RNF207: variants seen among roughly 807,000 people sequenced by gnomAD.
RNF207 encodes ring finger protein 207.
In RNF207, 72 loss-of-function variants were observed where a neutral mutation model predicts 79.0. The observed-to-expected ratio is 0.91, with a 90% CI of 0.75 to 1.11. The LOEUF is 1.11. Among genes scored for constraint, RNF207 ranks in the 50% least tolerant of loss-of-function variants. The probability of loss-of-function intolerance (pLI) is 0.00; values close to 1 mark genes in which losing one functional copy is unlikely to be tolerated. For missense variants in RNF207, 936 were observed against 855.8 expected (o/e 1.09, Z -1.17); for synonymous variants, 348 against 366.2 (o/e 0.95, Z 0.57).
In RNF207 at chr1:6,209,655, T is replaced by A. The variant is rs1668076075; in HGVS notation, c.753+116T>A. 23 of 1,255,660 alleles carry A rather than the reference T, an allele frequency of 1.8e-5. 1 individual carries two copies. The South Asian group carries it at 3.9e-4, about 21-fold the overall frequency. 77.8% of individuals were successfully genotyped at this position (1,255,660 alleles called of 1,614,324 possible). On this transcript the variant is annotated intron_variant, in intron 7 of 17. Coordinates refer to ENST00000377939, the MANE Select transcript of RNF207 (RefSeq NM_207396.3). ...GGGCAGCAGGCCTTGCACCAAGCAC[T>A]TTCCTGGAGTTGCTAGGAGAGCTGG...
Position 6,211,199 on chromosome 1 carries a change from G to A in RNF207, c.1109+81G>A, listed in dbSNP as rs997892404. 3.1e-6 allele frequency: 3 copies of A among 960,842 alleles called. No individual in the cohort carries two copies. The highest frequency in any genetic ancestry group is 1.6e-5 in the South Asian group (1 of 62,656). The allele number at this position is 960,842 out of a possible 1,614,324, so 59.5% of individuals were successfully genotyped here. On this transcript the variant is annotated intron_variant, in intron 12 of 17. Coordinates refer to ENST00000377939, the MANE Select transcript of RNF207 (RefSeq NM_207396.3). The surrounding 1 kb of genome is among the most constrained non-coding windows in gnomAD (Gnocchi z 4.2). ...AGGGTGGGCGCTGAGGGGCCAGATC[G>A]CCAGCAAGAAGCCAGGTGCCACCAT...
In RNF207 at chr1:6,207,278, C is replaced by G; in HGVS notation, c.192-101C>G. 7.9e-7 allele frequency: 1 copy of G among 1,269,276 alleles called. No homozygotes were observed. The highest frequency in any genetic ancestry group is 1.1e-6 in the Non-Finnish European group (1 of 930,916). 78.6% of individuals were successfully genotyped at this position (1,269,276 alleles called of 1,614,324 possible). On this transcript the variant is annotated intron_variant, in intron 2 of 17. Transcript: ENST00000377939. The surrounding 1 kb of genome is among the most constrained non-coding windows in gnomAD (Gnocchi z 4.5). ...CCAGAGCTGTGGTGCACCCCACCTC[C>G]CAACACAGCTATTTTTAGCTCCAGC...
chr1:6,211,903 GCC>G lies in RNF207; in HGVS notation c.1149_1150del (p.His384LeufsTer44). 1 of 1,550,038 alleles carries G rather than the reference GCC, an allele frequency of 6.5e-7. No individual in the cohort carries two copies. Among genetic ancestry groups the G allele is most frequent in the Non-Finnish European group, 8.7e-7 (1 of 1,147,066 alleles). ...GCTTAGGCCCCAAGGCGCTGACGGG[GCC>G]CCACTGCCCCTCCCCAGTAGGAAAG... ...GGLGPKALTG[P>X]HCPSPVGKMS... On this transcript the variant is annotated frameshift_variant, in exon 13 of 18. Coordinates refer to ENST00000377939, the MANE Select transcript of RNF207 (RefSeq NM_207396.3). LOFTEE classifies it high-confidence loss of function. This position sits in a 1 kb window ranked among gnomAD's most constrained non-coding sequence, Gnocchi z 4.2.
In RNF207 at chr1:6,209,443, G is replaced by A. The variant is rs571521635; in HGVS notation, c.657G>A (p.Arg219=). The change falls in exon 7 of 18, where the codon CGG becomes CGA. Residue 219 remains arginine, a synonymous_variant. Transcript: ENST00000377939. ...LAVKALQTAT[R]EAIALLQAMV... is the part of the protein sequence containing the mutation. ...TGAAGGCCCTGCAGACGGCCACGCGGGAGGCCATCGCGCTGCTGCAGGCCA... is the reference window on the plus strand; with the variant it reads ...TGAAGGCCCTGCAGACGGCCACGCGAGAGGCCATCGCGCTGCTGCAGGCCA... 27 of 1,516,232 alleles carry A rather than the reference G, an allele frequency of 1.8e-5. No individual in the cohort carries two copies. Among genetic ancestry groups the A allele is most frequent in the Non-Finnish European group, 8.8e-7 (1 of 1,137,546 alleles). The allele number at this position is 1,516,232 out of a possible 1,614,324, so 93.9% of individuals were successfully genotyped here. A position where few individuals can be genotyped will look rare whatever the true frequency, so the allele number is the denominator to read the frequency against.
intron 16 of RNF207, 136 bp downstream of exon 16, chr1:6,213,319 G>A (rs1020572203): frequency 1.6e-5 from 9 of 560,198 alleles, no homozygotes; most frequent in African/African-American, 3.8e-5. Context: ...TCAGCAGTTC[G>A]AGACCAGCCT....
At chr1:6,216,424 T>A (rs1209156432) in intron 16 of RNF207, among the ~76,000 whole-genome samples, 2 of 152,162 alleles carry the variant, frequency 1.3e-5, no homozygotes, top group African/African-American at 4.8e-5. Context: ...AGTTGCTCCC[T>A]CAACCCACTT....
chr1:6,212,078 G>GC (rs754705609), intron 13 of RNF207, 25 bp downstream of exon 13: 1 of 1,547,500 alleles, frequency 6.5e-7, no homozygotes, highest in Admixed American at 1.8e-5. Flanking sequence ...ATCTGCCGGA[G>GC]GGGGGAGATG....
chr1:6,206,582 A>T lies in RNF207; in HGVS notation c.47A>T (p.Asp16Val). The T allele has an allele frequency of 6.2e-7, 1 of 1,602,702 alleles. No homozygotes were observed. Among genetic ancestry groups the T allele is most frequent in the Non-Finnish European group, 8.5e-7 (1 of 1,179,306 alleles). ...CCCCTGGAGGGCCCGAGCTCCCTGG[A>T]TGCCCCGAGCATCCACCCGCTGGTG... is the stretch of plus-strand genomic sequence containing the variant. ...FGPLEGPSSL[D>V]APSIHPLVCP... Residue 16 changes from aspartate (D) to valine (V), a missense_variant, in exon 2 of 18, where the codon GAT (aspartate) becomes GTT (valine). Physicochemically the swap from Asp to Val is radical, Grantham distance 152. Transcript: ENST00000377939.
intron 8 of RNF207, 28 bp downstream of exon 8, chr1:6,209,998 C>G: frequency 6.4e-7 from 1 of 1,556,814 alleles, no homozygotes; most frequent in Non-Finnish European, 8.7e-7. Context: ...GGGCTTGCTT[C>G]CCTTACCCCT....
rs1557597653 is a variant in RNF207, at chr1:6,220,734, C to T, written c.*1327C>T. ...CTTTTTTCTAGTAGTTTTTTCCCAG[C>T]AGTTTTCCATTTCTCCACAGTATCC... On this transcript the variant is annotated 3_prime_UTR_variant, in exon 18 of 18. Coordinates refer to ENST00000377939, the MANE Select transcript of RNF207 (RefSeq NM_207396.3). 6.6e-6 allele frequency: 1 copy of T among 152,198 alleles called. No individual in the cohort carries two copies. Among genetic ancestry groups the T allele is most frequent in the Non-Finnish European group, 1.5e-5 (1 of 68,028 alleles). The allele number at this position is 152,198 out of a possible 1,614,324, so 9.4% of individuals were successfully genotyped here.
Position 6,220,753 on chromosome 1 carries a change from A to G in RNF207, c.*1346A>G, listed in dbSNP as rs1279244360. 2 of 152,212 alleles carry G rather than the reference A, an allele frequency of 1.3e-5. No individual in the cohort carries two copies. Among genetic ancestry groups the G allele is most frequent in the African/African-American group, 4.8e-5 (2 of 41,462 alleles). 9.4% of individuals were successfully genotyped at this position (152,212 alleles called of 1,614,324 possible). A position where few individuals can be genotyped will look rare whatever the true frequency, so the allele number is the denominator to read the frequency against. On this transcript the variant is annotated 3_prime_UTR_variant, in exon 18 of 18. Coordinates refer to ENST00000377939, the MANE Select transcript of RNF207 (RefSeq NM_207396.3). Reference sequence around the variant, plus strand: ...TCCCAGCAGTTTTCCATTTCTCCACAGTATCCTTTTCATTTAGAGGAGCTT... The same window carrying G: ...TCCCAGCAGTTTTCCATTTCTCCACGGTATCCTTTTCATTTAGAGGAGCTT...
At chr1:6,214,048 G>A (rs556741955) in intron 16 of RNF207, among the ~76,000 whole-genome samples, 4 of 152,138 alleles carry the variant, frequency 2.6e-5, no homozygotes, top group African/African-American at 7.2e-5. Context: ...GTGCATGTTT[G>A]GGATGGCAGG....
In RNF207 at chr1:6,219,286, A is replaced by G. The variant is rs868486741; in HGVS notation, c.1784A>G (p.Lys595Arg). The change falls in exon 18 of 18, where the codon AAA becomes AGA. Residue 595 changes from lysine to arginine, a missense_variant. By Grantham distance (26) the Lys-to-Arg change is conservative. Coordinates refer to ENST00000377939, the MANE Select transcript of RNF207 (RefSeq NM_207396.3). ...AAGAGAGAGAAGACATCAGAGCCTA[A>G]AGGAAACAGCTGGGCTCCGAACGGC... ...PEKREKTSEPKGNSWAPNGLS... is the reference protein window; with the variant it reads ...PEKREKTSEPRGNSWAPNGLS... 1 of 1,613,768 alleles carries G rather than the reference A, an allele frequency of 6.2e-7. No homozygotes were observed.
rs959769861 is a variant in RNF207, at chr1:6,217,288, A to G, written c.1653-1001A>G. Reference sequence around the variant, plus strand: ...TGCCTCCTCAGCTCAGTGCCCAGATATGTTTTTCCCCAGGGCTCAGCCTTA... The same window carrying G: ...TGCCTCCTCAGCTCAGTGCCCAGATGTGTTTTTCCCCAGGGCTCAGCCTTA... On this transcript the variant is annotated intron_variant, in intron 16 of 17. Coordinates refer to ENST00000377939, the MANE Select transcript of RNF207 (RefSeq NM_207396.3). This position sits in a 1 kb window ranked among gnomAD's most constrained non-coding sequence, Gnocchi z 4.2. 1.8e-4 allele frequency among the ~76,000 whole-genome samples: 27 copies of G among 151,956 alleles called. No homozygotes were observed. Among genetic ancestry groups the G allele is most frequent in the Non-Finnish European group, 3.1e-4 (21 of 67,992 alleles).
Position 6,211,065 on chromosome 1 carries a change from ACTG to A in RNF207, c.1066_1068del (p.Leu356del), listed in dbSNP as rs746335647. 5 of 1,607,260 alleles carry A rather than the reference ACTG, an allele frequency of 3.1e-6. No individual in the cohort carries two copies. The highest frequency in any genetic ancestry group is 1.7e-5 in the Admixed American group (1 of 59,814). On this transcript the variant is annotated inframe_deletion, in exon 12 of 18. Coordinates refer to ENST00000377939, the MANE Select transcript of RNF207 (RefSeq NM_207396.3). The surrounding 1 kb of genome is among the most constrained non-coding windows in gnomAD (Gnocchi z 4.2). ...CTGAATTCGCGCGCTGTCTGGAGCC[ACTG>A]CTGCTGCTGGGGCCACGTCGGGTGG...
Position 6,211,816 on chromosome 1 carries a change from G to A in RNF207, c.1110-51G>A. ...CAGGGGGCTGCCCTGGGAGGCTGGG[G>A]GAGGGGCAGACTTCCCCACCCCCCT... On this transcript the variant is annotated intron_variant, in intron 12 of 17. Transcript: ENST00000377939. The surrounding 1 kb of genome is among the most constrained non-coding windows in gnomAD (Gnocchi z 4.2). The A allele has an allele frequency of 7.3e-7, 1 of 1,375,476 alleles. No homozygotes were observed. The highest frequency in any genetic ancestry group is 2.5e-5 in the East Asian group (1 of 40,008). 85.2% of individuals were successfully genotyped at this position (1,375,476 alleles called of 1,614,324 possible). A position where few individuals can be genotyped will look rare whatever the true frequency, so the allele number is the denominator to read the frequency against.
At chr1:6,210,021 C>T (rs1234228639) in intron 8 of RNF207, 51 bp downstream of exon 8, 4 of 1,526,624 alleles carry the variant, frequency 2.6e-6, no homozygotes, top group Non-Finnish European at 3.5e-6. Context: ...GCCTCCATGG[C>T]CTCAGCTCAG....
chr1:6,208,690 G>A (rs1219137538), intron 3 of RNF207, 191 bp from the exon 4 acceptor site: 4 of 578,548 alleles, frequency 6.9e-6, no homozygotes, highest in African/African-American at 2.1e-5. Context: ...CCCAGCCTCT[G>A]AGCCGCAGTG....
At chr1:6,208,360 C>T (rs1274511642) in intron 3 of RNF207, 2 of 153,210 alleles carry the variant, frequency 1.3e-5, no homozygotes, top group East Asian at 1.9e-4. Context: ...GCTTTATCGC[C>T]CAGGCTGGAG....
Sources: allele counts gnomAD v4.1 joint callset (sites outside exome capture counted in the v4.1 genomes callset), GRCh38; gene constraint gnomAD v4.1.1; non-coding constraint Gnocchi (gnomAD v3.1); transcripts MANE v1.5; gene names NCBI Gene and HGNC (gene_info 2026-07-23, HGNC 2026-07-21).